WFDC9: variants seen among roughly 807,000 people sequenced by gnomAD.
The protein encoded by WFDC9 is WAP four-disulfide core domain 9.
In WFDC9, 9 loss-of-function variants were observed where a neutral mutation model predicts 9.5. The ratio of observed to expected loss-of-function variants is 0.95; its 90% CI spans 0.57 to 1.65. The LOEUF (loss-of-function observed/expected upper bound fraction) is 1.65. WFDC9 is among the 40% of genes most tolerant of loss of function. The probability of loss-of-function intolerance (pLI) is 0.00; values close to 1 mark genes in which losing one functional copy is unlikely to be tolerated. For synonymous variants in WFDC9, 33 were observed against 32.3 expected, an observed-to-expected ratio of 1.02 and a Z score of -0.07; for missense variants, 87 against 106.7, an observed-to-expected ratio of 0.82 and a Z score of 0.81.
chr20:45,624,170 C>T lies in WFDC9; in HGVS notation c.-153+7033G>A, dbSNP rs930901192. Among the ~76,000 whole-genome samples the T allele has an allele frequency of 5.3e-5, 8 of 152,128 alleles. 1 individual carries two copies. The East Asian group carries it at 5.8e-4, about 11-fold the overall frequency. On this transcript the variant is annotated intron_variant, in intron 1 of 4. Coordinates refer to ENST00000326000, the MANE Select transcript of WFDC9 (RefSeq NM_147198.4). ...TCGTCCCACCGCACTCCAGCCTAGG[C>T]GACAGAGCAAGACTCTGTCTCAAAA...
intron 1 of WFDC9, among the ~76,000 whole-genome samples, chr20:45,625,313 C>T (rs1024583119): frequency 7.2e-5 from 11 of 152,302 alleles, no homozygotes; most frequent in African/African-American, 2.6e-4. Flanking sequence ...CCTCACTCCA[C>T]ACATGGGGAT....
chr20:45,619,423 G>A (rs1201044343), intron 1 of WFDC9, among the ~76,000 whole-genome samples: 1 of 152,144 alleles, frequency 6.6e-6, no homozygotes, highest in Non-Finnish European at 1.5e-5. Flanking sequence ...ATCTAGCAAA[G>A]CTATCCTTTC....
At chr20:45,613,286 T>C (rs962724316) in intron 2 of WFDC9, among the ~76,000 whole-genome samples, 1 of 152,190 alleles carries the variant, frequency 6.6e-6, no homozygotes, top group Non-Finnish European at 1.5e-5. Context: ...GCGCGGAGCC[T>C]TTCCATCATC....
chr20:45,624,779 G>A (rs2425718), intron 1 of WFDC9, among the ~76,000 whole-genome samples: 88,884 of 152,026 alleles, frequency 0.58, 27,003 homozygotes, highest in East Asian at 0.98. Flanking sequence ...CTGGAGTGAG[G>A]TGATACCTCA....
intron 1 of WFDC9, among the ~76,000 whole-genome samples, chr20:45,618,264 G>C (rs1223982357): frequency 1.3e-5 from 2 of 152,328 alleles, no homozygotes; most frequent in East Asian, 3.9e-4. Context: ...TGGCTTAAGG[G>C]AATGTTGTGG....
At chr20:45,613,658 A>C (rs148232852) in intron 2 of WFDC9, among the ~76,000 whole-genome samples, 43 of 152,224 alleles carry the variant, frequency 2.8e-4, no homozygotes, top group East Asian at 1.4e-3. Flanking sequence ...TAGAACCCCC[A>C]CACACACAAA....
chr20:45,631,078 C>G (rs1322609908), intron 1 of WFDC9, 125 bp downstream of exon 1: 2 of 1,479,826 alleles, frequency 1.4e-6, no homozygotes. Flanking sequence ...AAGACTGTGC[C>G]CACATCCGAA....
intron 1 of WFDC9, among the ~76,000 whole-genome samples, chr20:45,630,075 G>T (rs566962722): frequency 1.3e-5 from 2 of 152,304 alleles, no homozygotes; most frequent in East Asian, 3.9e-4. Context: ...CAGCCCCTTA[G>T]CTGGCCCTGG....
chr20:45,619,997 G>A (rs1271722598), intron 1 of WFDC9, among the ~76,000 whole-genome samples: 1 of 152,080 alleles, frequency 6.6e-6, no homozygotes, highest in African/African-American at 2.4e-5. Context: ...TTGCACTATA[G>A]CCTGGGTCAC....
intron 2 of WFDC9, among the ~76,000 whole-genome samples, chr20:45,611,035 A>G (rs979438831): frequency 2.0e-5 from 3 of 152,238 alleles, no homozygotes; most frequent in Non-Finnish European, 4.4e-5. Flanking sequence ...GTAGCAGAGA[A>G]GAGGGCTCTA....
At position 45,631,187 on chromosome 20, in the gene WFDC9, T is replaced by C. The variant is rs879181608; in HGVS notation, c.-153+16A>G. ...TCCCTGTCAAATAAACCAGAACAAA[T>C]GCCCAGGGATCCTACCTCTTTTGCT... is the stretch of plus-strand genomic sequence containing the variant. On this transcript the variant is annotated intron_variant, in intron 1 of 4. Coordinates refer to ENST00000326000, the MANE Select transcript of WFDC9 (RefSeq NM_147198.4). The C allele has an allele frequency of 3.2e-5, 21 of 660,306 alleles. 1 individual carries two copies. In the Admixed American group the frequency reaches 8.0e-4, roughly 25 times the overall value. The allele number at this position is 660,306 out of a possible 1,614,324, so 40.9% of individuals were successfully genotyped here.
chr20:45,616,692 A>G (rs1351098766), intron 1 of WFDC9, among the ~76,000 whole-genome samples: 1 of 152,212 alleles, frequency 6.6e-6, no homozygotes, highest in Non-Finnish European at 1.5e-5. Context: ...CTGAAGAATG[A>G]ATGTTGTTAG....
At chr20:45,608,543 T>C in intron 4 of WFDC9, 120 bp downstream of exon 4, 6 of 1,260,916 alleles carry the variant, frequency 4.8e-6, no homozygotes, top group Non-Finnish European at 5.5e-6. Flanking sequence ...TAGGAGGACA[T>C]TGTCTTTTGC....
rs181603418 is a variant in WFDC9, at chr20:45,608,743, C to T, written c.159G>A (p.Arg53=). 7.6e-5 allele frequency: 122 copies of T among 1,614,122 alleles called. 1 individual carries two copies. The South Asian group carries it at 1.1e-3, about 15-fold the overall frequency. Residue 53 remains arginine (R), a synonymous_variant, in exon 4 of 5, where the codon AGG becomes AGA. Coordinates refer to ENST00000326000, the MANE Select transcript of WFDC9 (RefSeq NM_147198.4). The stretch of plus-strand genomic sequence containing the variant: ...GTACACAAGTCATTATTTTAGTACA[C>T]CTTTTCTCACAGTACTTATATGGAG... The part of the protein sequence containing the change: ...VQPPYKYCEK[R]CTKIMTCVRP...
intron 1 of WFDC9, among the ~76,000 whole-genome samples, chr20:45,616,561 T>G (rs1401703090): frequency 6.6e-6 from 1 of 152,204 alleles, no homozygotes; most frequent in African/African-American, 2.4e-5. Flanking sequence ...TCCAGGAATT[T>G]TTTAATTTAC....
chr20:45,610,351 A>C (rs1600916463), intron 2 of WFDC9, 112 bp from the exon 3 acceptor site: 3 of 498,422 alleles, frequency 6.0e-6, no homozygotes, highest in South Asian at 4.1e-5. Context: ...ATACCAACCA[A>C]CTCCCAGGCT....
At chr20:45,621,841 C>G (rs1490691700) in intron 1 of WFDC9, among the ~76,000 whole-genome samples, 1 of 152,172 alleles carries the variant, frequency 6.6e-6, no homozygotes, top group South Asian at 2.1e-4. Context: ...CCCCTTGCAC[C>G]TTTTCCCTTT....
chr20:45,621,783 T>A (rs947453237), intron 1 of WFDC9, among the ~76,000 whole-genome samples: 1 of 152,226 alleles, frequency 6.6e-6, no homozygotes, highest in African/African-American at 2.4e-5. Context: ...CCACTGGTCA[T>A]TGGGAAAAGA....
chr20:45,608,911 A>G, intron 3 of WFDC9, 101 bp from the exon 4 acceptor site: 6 of 1,299,982 alleles, frequency 4.6e-6, no homozygotes, highest in Non-Finnish European at 6.2e-6. Context: ...TCCAAGCCAC[A>G]AAGTATTTCT....
Sources: allele counts gnomAD v4.1 joint callset (sites outside exome capture counted in the v4.1 genomes callset), GRCh38; gene constraint gnomAD v4.1.1; transcripts MANE v1.5; gene names NCBI Gene and HGNC (gene_info 2026-07-23, HGNC 2026-07-21).